LRMDA: variants seen among roughly 807,000 people sequenced by gnomAD.
LRMDA encodes leucine-rich melanocyte differentiation-associated protein.
A neutral mutation model predicts 29.8 loss-of-function variants in LRMDA; 18 were observed. The observed-to-expected ratio is 0.60, with a 90% CI of 0.42 to 0.90. The LOEUF is 0.90. LRMDA is among the 40% of genes least tolerant of loss of function. The probability of loss-of-function intolerance (pLI) is 0.00; values close to 1 mark genes in which losing one functional copy is unlikely to be tolerated. For synonymous variants in LRMDA, 125 were observed against 109.4 expected, an observed-to-expected ratio of 1.14 and a Z score of -0.89; for missense variants, 273 against 273.9, an observed-to-expected ratio of 1.00 and a Z score of 0.02.
intron 4 of LRMDA, among the ~76,000 whole-genome samples, chr10:76,056,513 G>T (rs1848617057): frequency 6.6e-6 from 1 of 152,156 alleles, no homozygotes; most frequent in Non-Finnish European, 1.5e-5. Flanking sequence ...TTGTGCCAAG[G>T]GATGCCTGCA....
At chr10:75,807,009 C>T (rs896252355) in intron 2 of LRMDA, among the ~76,000 whole-genome samples, 3 of 152,078 alleles carry the variant, frequency 2.0e-5, no homozygotes, top group South Asian at 2.1e-4. Context: ...GCTCTGGTTA[C>T]GTTGATATAT....
intron 2 of LRMDA, among the ~76,000 whole-genome samples, chr10:75,869,506 A>C (rs369069960): frequency 3.0e-4 from 46 of 152,262 alleles, no homozygotes; most frequent in South Asian, 1.2e-3. Flanking sequence ...TGAGCAAGAG[A>C]GCCTGTTATC....
chr10:76,137,150 C>T (rs960994084), intron 5 of LRMDA, among the ~76,000 whole-genome samples: 4 of 152,186 alleles, frequency 2.6e-5, no homozygotes, highest in Non-Finnish European at 4.4e-5. Context: ...CTGTTCAATT[C>T]CCAAGCCTTC....
At chr10:75,527,847 A>T (rs1461620004) in intron 2 of LRMDA, among the ~76,000 whole-genome samples, 1 of 150,428 alleles carries the variant, frequency 6.6e-6, no homozygotes, top group African/African-American at 2.4e-5. Context: ...CAGTGGGGGG[A>T]TTTTGGCTTA....
chr10:76,414,903 A>G (rs1277878093), intron 6 of LRMDA, among the ~76,000 whole-genome samples: 1 of 152,262 alleles, frequency 6.6e-6, no homozygotes, highest in African/African-American at 2.4e-5. Context: ...ATGTCAGGAT[A>G]GTCAGGCAGA....
chr10:76,066,344 A>G (rs1848785088), intron 5 of LRMDA, among the ~76,000 whole-genome samples: 1 of 152,230 alleles, frequency 6.6e-6, no homozygotes. Flanking sequence ...ACTGTCTGCT[A>G]GCTATTGTAC....
chr10:75,981,774 C>G (rs36057620), intron 2 of LRMDA, among the ~76,000 whole-genome samples: 1 of 149,010 alleles, frequency 6.7e-6, no homozygotes, highest in African/African-American at 2.5e-5. Flanking sequence ...ATCACTCGAA[C>G]GTGGGAAGTG....
intron 2 of LRMDA, among the ~76,000 whole-genome samples, chr10:75,535,926 T>A (rs1366980314): frequency 2.0e-5 from 3 of 152,182 alleles, no homozygotes; most frequent in African/African-American, 7.2e-5. Flanking sequence ...GCCATTAAAT[T>A]GGCTGTATGA....
intron 2 of LRMDA, among the ~76,000 whole-genome samples, chr10:75,569,087 G>C (rs556304972): frequency 6.6e-6 from 1 of 152,226 alleles, no homozygotes; most frequent in African/African-American, 2.4e-5. Context: ...TATTTCTTGA[G>C]GGCACGTCTC....
At chr10:75,751,291 A>G (rs1842965913) in intron 2 of LRMDA, among the ~76,000 whole-genome samples, 1 of 150,366 alleles carries the variant, frequency 6.7e-6, no homozygotes. Flanking sequence ...GCTCGGCATC[A>G]GAGGGAGACT....
At chr10:75,618,963 A>AT (rs1047778324) in intron 2 of LRMDA, among the ~76,000 whole-genome samples, 2 of 151,356 alleles carry the variant, frequency 1.3e-5, no homozygotes, top group Non-Finnish European at 1.5e-5. Context: ...TTTATTTTTT[A>AT]TTTTTTTGTA....
intron 2 of LRMDA, among the ~76,000 whole-genome samples, chr10:75,738,997 A>G (rs1842797871): frequency 1.3e-5 from 2 of 152,256 alleles, no homozygotes; most frequent in South Asian, 4.1e-4. Flanking sequence ...CTGATTAGCA[A>G]CTTTTGCTTG....
intron 2 of LRMDA, among the ~76,000 whole-genome samples, chr10:75,799,131 C>T (rs1021793743): frequency 2.0e-5 from 3 of 152,160 alleles, no homozygotes; most frequent in African/African-American, 7.2e-5. Context: ...CTGAGAGAGG[C>T]ATGTTTATTC....
At chr10:75,610,847 T>C (rs1339034885) in intron 2 of LRMDA, among the ~76,000 whole-genome samples, 1 of 152,252 alleles carries the variant, frequency 6.6e-6, no homozygotes, top group Non-Finnish European at 1.5e-5. Flanking sequence ...AACCCTTTCT[T>C]TGGCCCAACG....
chr10:75,645,460 G>T (rs1387836392), intron 2 of LRMDA, among the ~76,000 whole-genome samples: 2 of 152,042 alleles, frequency 1.3e-5, no homozygotes, highest in African/African-American at 4.8e-5. Flanking sequence ...AGAGAGGAGG[G>T]TGGGTTGGTG....
chr10:75,692,782 G>C (rs762236438), intron 2 of LRMDA, among the ~76,000 whole-genome samples: 2 of 152,076 alleles, frequency 1.3e-5, no homozygotes, highest in Non-Finnish European at 2.9e-5. Context: ...AGAGAGGCCT[G>C]GTGGAGAGGG....
At chr10:75,697,842 TGTGTGTGTGC>T (rs1047194549) in intron 2 of LRMDA, among the ~76,000 whole-genome samples, 2 of 145,116 alleles carry the variant, frequency 1.4e-5, no homozygotes, top group African/African-American at 5.4e-5. Flanking sequence ...AGAGTGTGTG[TGTGTGTGTGC>T]GTGTGTGTGT....
intron 5 of LRMDA, among the ~76,000 whole-genome samples, chr10:76,115,662 A>G (rs1849656536): frequency 1.3e-5 from 2 of 152,216 alleles, no homozygotes; most frequent in African/African-American, 4.8e-5. Context: ...GTCATAGAAC[A>G]TGATTAGTAG....
intron 2 of LRMDA, among the ~76,000 whole-genome samples, chr10:75,595,604 T>G (rs1014099248): frequency 1.3e-5 from 2 of 149,552 alleles, no homozygotes; most frequent in African/African-American, 4.9e-5. Flanking sequence ...AATCCACATA[T>G]TAATAGTATT....
Sources: allele counts gnomAD v4.1 joint callset (sites outside exome capture counted in the v4.1 genomes callset), GRCh38; gene constraint gnomAD v4.1.1; transcripts MANE v1.5; gene names NCBI Gene and HGNC (gene_info 2026-07-23, HGNC 2026-07-21).